TNMD: variants seen among roughly 807,000 people sequenced by gnomAD.
TNMD encodes tenomodulin.
Under a neutral mutation model 26.9 loss-of-function variants are expected in TNMD, and 15 were observed. That is an observed-to-expected ratio of 0.56 (90% CI 0.37 to 0.86). The LOEUF (loss-of-function observed/expected upper bound fraction) is 0.86. TNMD is among the 40% of genes least tolerant of loss of function. The pLI, the probability that TNMD is intolerant of heterozygous loss-of-function variation, is 0.00. For missense variants in TNMD, 222 were observed against 242.6 expected, an observed-to-expected ratio of 0.92 and a Z score of 0.56; for synonymous variants, 73 against 77.0, an observed-to-expected ratio of 0.95 and a Z score of 0.27.
At chrX:100,597,420 A>G (rs2082955919) in intron 4 of TNMD, 84 bp from the exon 5 acceptor site, 5 of 1,058,222 alleles carry the variant, frequency 4.7e-6, no homozygotes, top group Non-Finnish European at 3.9e-6. Flanking sequence ...CTCAAAATAT[A>G]TTGCTTTCCA....
intron 2 of TNMD, among the ~76,000 whole-genome samples, chrX:100,585,856 A>C (rs2082920731): frequency 8.9e-6 from 1 of 112,452 alleles, no homozygotes; most frequent in South Asian, 3.7e-4. Flanking sequence ...CTCATACCTG[A>C]CTTCACATTT....
At chrX:100,589,808 C>T (rs955920628) in intron 2 of TNMD, among the ~76,000 whole-genome samples, 1 of 111,192 alleles carries the variant, frequency 9.0e-6, no homozygotes, top group African/African-American at 3.3e-5. Context: ...GGAACTGAGT[C>T]CCTAGAGACA....
rs188279671 is a variant in TNMD at position 100,599,665 on chromosome X, G to A, written c.902G>A (p.Arg301His). Residue 301 changes from arginine to histidine, a missense_variant, in exon 7 of 7, where the codon CGT (arginine) becomes CAT (histidine). Coordinates refer to ENST00000373031, the MANE Select transcript of TNMD (RefSeq NM_022144.3). ...TACCAAGGAGGACGAGTCATCTGTC[G>A]TGTCATCATGCCTTGTAACTGGTGG... is the stretch of plus-strand genomic sequence containing the variant. ...YCYQGGRVIC[R>H]VIMPCNWWVA... 1.1e-4 allele frequency: 138 copies of A among 1,209,873 alleles called. No homozygotes were observed. Among genetic ancestry groups the A allele is most frequent in the Non-Finnish European group, 1.5e-4 (130 of 895,279 alleles).
intron 2 of TNMD, among the ~76,000 whole-genome samples, chrX:100,591,223 C>G (rs1191368561): frequency 1.8e-5 from 2 of 111,760 alleles, no homozygotes; most frequent in Non-Finnish European, 3.8e-5. Context: ...CATATTCTGT[C>G]CTTGCTCTAT....
intron 2 of TNMD, among the ~76,000 whole-genome samples, chrX:100,587,007 A>C (rs1360772690): frequency 8.9e-6 from 1 of 112,557 alleles, no homozygotes; most frequent in Non-Finnish European, 1.9e-5. Context: ...TTAACTGGGC[A>C]TGGTGGATAG....
intron 2 of TNMD, among the ~76,000 whole-genome samples, chrX:100,585,767 G>C (rs779110159): frequency 8.9e-6 from 1 of 112,680 alleles, no homozygotes; most frequent in Non-Finnish European, 1.9e-5. Flanking sequence ...GGCAGCAAAG[G>C]ATTTTCAGGG....
chrX:100,589,949 G>A (rs551520853), intron 2 of TNMD, among the ~76,000 whole-genome samples: 1 of 111,489 alleles, frequency 9.0e-6, no homozygotes, highest in Admixed American at 9.5e-5. Flanking sequence ...TAATGGGTAG[G>A]AGAAAAACTT....
intron 6 of TNMD, 101 bp from the exon 7 acceptor site, chrX:100,599,406 GC>G: frequency 3.9e-6 from 3 of 769,923 alleles, no homozygotes; most frequent in Non-Finnish European, 5.7e-6. Context: ...TTTCTCACAA[GC>G]CCCCAACTCA....
In TNMD at chrX:100,594,796, T is replaced by A. The variant is rs369285808; in HGVS notation, c.423+434T>A. Among the ~76,000 whole-genome samples, 5 of 112,380 alleles carry A rather than the reference T, an allele frequency of 4.4e-5. No individual in the cohort carries two copies. In the East Asian group the frequency reaches 1.1e-3, roughly 25 times the overall value. On this transcript the variant is annotated intron_variant, in intron 4 of 6. Transcript: ENST00000373031. The stretch of plus-strand genomic sequence containing the variant: ...CCACCTGGGGTTCTTGCCACTTTTG[T>A]CACACTTCAGTATTCACCTATTTTA...
At chrX:100,599,467 C>A in intron 6 of TNMD, 41 bp from the exon 7 acceptor site, 1 of 1,129,926 alleles carries the variant, frequency 8.9e-7, no homozygotes, top group East Asian at 3.1e-5. Context: ...GCTAGTGAAC[C>A]TTCCTCTCCC....
At chrX:100,593,847 T>A in intron 2 of TNMD, 48 bp from the exon 3 acceptor site, 1 of 1,189,792 alleles carries the variant, frequency 8.4e-7, no homozygotes, top group Non-Finnish European at 1.1e-6. Flanking sequence ...CACCTCACTT[T>A]AGGGACACAC....
chrX:100,596,475 A>G (rs897195965), intron 4 of TNMD, among the ~76,000 whole-genome samples: 1 of 112,362 alleles, frequency 8.9e-6, no homozygotes, highest in East Asian at 2.8e-4. Context: ...TGTACCTTCA[A>G]GTAAATCTTG....
intron 4 of TNMD, among the ~76,000 whole-genome samples, chrX:100,597,023 G>T (rs1433255480): frequency 1.8e-5 from 2 of 112,227 alleles, no homozygotes; most frequent in Non-Finnish European, 3.8e-5. Context: ...CAAAATATTA[G>T]ATTACATTGT....
chrX:100,592,482 T>C (rs1288761213), intron 2 of TNMD, among the ~76,000 whole-genome samples: 1 of 112,124 alleles, frequency 8.9e-6, no homozygotes, highest in Non-Finnish European at 1.9e-5. Context: ...CAAAAATGTC[T>C]CTTTAGGAAG....
chrX:100,591,370 T>A (rs770795882), intron 2 of TNMD, among the ~76,000 whole-genome samples: 1 of 111,565 alleles, frequency 9.0e-6, no homozygotes, highest in South Asian at 3.9e-4. Context: ...TTCTTTCATC[T>A]CCAGAAAGAC....
Position 100,599,883 on chromosome X carries a change from C to A in TNMD, c.*166C>A. On this transcript the variant is annotated 3_prime_UTR_variant, in exon 7 of 7. Transcript: ENST00000373031. ...TTCTAATAAACTTCTACATTATCAC[C>A]AACAGCCTGATTGCTGCTGAACACA... 2.1e-6 allele frequency: 1 copy of A among 470,460 alleles called. No homozygotes were observed. The highest frequency in any genetic ancestry group is 3.6e-6 in the Non-Finnish European group (1 of 275,372). The allele number at this position is 470,460 out of a possible 1,213,427, so 38.8% of individuals were successfully genotyped here. A position where few individuals can be genotyped will look rare whatever the true frequency, so the allele number is the denominator to read the frequency against.
chrX:100,591,081 T>C (rs1200000239), intron 2 of TNMD, among the ~76,000 whole-genome samples: 2 of 110,515 alleles, frequency 1.8e-5, no homozygotes, highest in East Asian at 5.7e-4. Context: ...GGGACAGAAA[T>C]GGGAAGAGAA....
chrX:100,590,101 T>A (rs1277696895), intron 2 of TNMD, among the ~76,000 whole-genome samples: 1 of 112,436 alleles, frequency 8.9e-6, no homozygotes, highest in Non-Finnish European at 1.9e-5. Flanking sequence ...AGGAACAATC[T>A]GTCTGCTCTG....
chrX:100,587,257 C>T (rs1215054813), intron 2 of TNMD, among the ~76,000 whole-genome samples: 1 of 112,385 alleles, frequency 8.9e-6, no homozygotes, highest in Admixed American at 9.4e-5. Context: ...CCTATTATAT[C>T]ATCTTTACAT....
Sources: gnomAD v4.1 joint callset for allele counts (sites outside exome capture counted in the v4.1 genomes callset) on GRCh38, gnomAD v4.1.1 for gene constraint, MANE v1.5 for transcripts, NCBI Gene and HGNC (gene_info 2026-07-23, HGNC 2026-07-21) for gene names.